Variants in LSAMP observed in about 807,000 individuals in gnomAD.
LSAMP encodes limbic system-associated membrane protein.
Under a neutral mutation model 38.6 loss-of-function variants are expected in LSAMP, and 7 were observed. The ratio of observed to expected loss-of-function variants is 0.18; its 90% CI spans 0.10 to 0.34. The LOEUF is 0.34. LSAMP is among the 10% of genes least tolerant of loss of function. The pLI, the probability that LSAMP is intolerant of heterozygous loss-of-function variation, is 1.00. For synonymous variants in LSAMP, 154 were observed against 166.8 expected (o/e 0.92, Z 0.59); for missense variants, 313 against 420.0 (o/e 0.75, Z 2.23).
intron 1 of LSAMP, among the ~76,000 whole-genome samples, chr3:116,377,364 T>A (rs780238345): frequency 4.6e-5 from 7 of 151,958 alleles, no homozygotes; most frequent in Non-Finnish European, 8.8e-5. Context: ...TTTGCTGAGG[T>A]TAATTGGCTT....
At chr3:116,263,654 C>T (rs1053274701) in intron 1 of LSAMP, among the ~76,000 whole-genome samples, 1 of 135,080 alleles carries the variant, frequency 7.4e-6, no homozygotes, top group Non-Finnish European at 1.6e-5. Context: ...CAAAATTAAA[C>T]CAACTTTTAT....
Position 115,976,637 on chromosome 3 carries a change from T to C in LSAMP, c.514+42878A>G, listed in dbSNP as rs139074662. The stretch of plus-strand genomic sequence containing the variant: ...GCTCTGCATCCTCACCCAAATCTCA[T>C]GTTGAATTGTAATCCCCAATGTTGG... On this transcript the variant is annotated intron_variant, in intron 3 of 6. Coordinates refer to ENST00000490035, the MANE Select transcript of LSAMP (RefSeq NM_002338.5). Among the ~76,000 whole-genome samples, 648 of 152,276 alleles carry C rather than the reference T, an allele frequency of 4.3e-3. 2 individuals carry two copies. Among genetic ancestry groups the C allele is most frequent in the African/African-American group, 0.015 (623 of 41,572 alleles).
rs550107092 is a variant in LSAMP at position 116,202,143 on chromosome 3, C to CTT, written c.156-115589_156-115588dup. ...TTTTTCTTTTCCTTTCCTTTCTTTT[C>CTT]TTTTTTTTTTTAGGCAGAGTCTCGC... On this transcript the variant is annotated intron_variant, in intron 1 of 6. Transcript: ENST00000490035. 8.0e-3 allele frequency among the ~76,000 whole-genome samples: 1,160 copies of CTT among 145,870 alleles called. 19 individuals carry two copies. The highest frequency in any genetic ancestry group is 0.025 in the African/African-American group (1,009 of 39,736).
At chr3:115,925,757 C>T (rs1559883534) in intron 3 of LSAMP, among the ~76,000 whole-genome samples, 1 of 151,914 alleles carries the variant, frequency 6.6e-6, no homozygotes, top group Non-Finnish European at 1.5e-5. Flanking sequence ...ATTGAGTGTT[C>T]CAGTTAATTG....
intron 2 of LSAMP, among the ~76,000 whole-genome samples, chr3:116,064,165 G>T (rs1270115037): frequency 6.6e-6 from 1 of 152,148 alleles, no homozygotes; most frequent in Non-Finnish European, 1.5e-5. Context: ...AGTTTCCTAT[G>T]CAAGATAAAT....
chr3:116,269,510 T>G (rs1046162967), intron 1 of LSAMP, among the ~76,000 whole-genome samples: 1 of 152,110 alleles, frequency 6.6e-6, no homozygotes. Flanking sequence ...TGAATGATGC[T>G]AAACCTAATG....
chr3:116,110,137 C>T (rs1477643217), intron 1 of LSAMP, among the ~76,000 whole-genome samples: 2 of 151,724 alleles, frequency 1.3e-5, no homozygotes, highest in Non-Finnish European at 2.9e-5. Context: ...GGGGTACTTG[C>T]TCCTCCCCCA....
chr3:116,152,903 C>G (rs1159912195), intron 1 of LSAMP, among the ~76,000 whole-genome samples: 1 of 152,036 alleles, frequency 6.6e-6, no homozygotes, highest in Admixed American at 6.6e-5. Context: ...TACTTACACA[C>G]TGTGAAGAGC....
At chr3:116,299,045 G>C (rs2047372194) in intron 1 of LSAMP, among the ~76,000 whole-genome samples, 1 of 152,186 alleles carries the variant, frequency 6.6e-6, no homozygotes, top group African/African-American at 2.4e-5. Context: ...GAGTAACATA[G>C]CCTTATGCAA....
At chr3:116,248,173 G>A (rs1054284389) in intron 1 of LSAMP, among the ~76,000 whole-genome samples, 4 of 152,152 alleles carry the variant, frequency 2.6e-5, no homozygotes, top group African/African-American at 9.7e-5. Context: ...AAAGATTTAT[G>A]CACAGGTAAC....
intron 3 of LSAMP, among the ~76,000 whole-genome samples, chr3:115,855,583 G>T (rs1274173677): frequency 2.0e-5 from 3 of 152,184 alleles, no homozygotes; most frequent in Non-Finnish European, 2.9e-5. Context: ...TCTCAATAAA[G>T]TGGGAGCAGG....
At chr3:115,859,104 T>C (rs1935595624) in intron 3 of LSAMP, among the ~76,000 whole-genome samples, 2 of 152,180 alleles carry the variant, frequency 1.3e-5, no homozygotes, top group African/African-American at 4.8e-5. Flanking sequence ...TCTCTCCAGA[T>C]TATTTGAGGT....
At chr3:116,240,493 T>C (rs1342228957) in intron 1 of LSAMP, among the ~76,000 whole-genome samples, 1 of 152,192 alleles carries the variant, frequency 6.6e-6, no homozygotes, top group Non-Finnish European at 1.5e-5. Context: ...AAAACGTTTG[T>C]ACTAAGTATG....
At chr3:116,412,387 T>C (rs964787777) in intron 1 of LSAMP, among the ~76,000 whole-genome samples, 1 of 152,068 alleles carries the variant, frequency 6.6e-6, no homozygotes, top group African/African-American at 2.4e-5. Context: ...GGTTCCCACA[T>C]CAAAGGCATT....
At chr3:115,969,851 AC>A (rs1457448289) in intron 3 of LSAMP, among the ~76,000 whole-genome samples, 1 of 152,160 alleles carries the variant, frequency 6.6e-6, no homozygotes, top group South Asian at 2.1e-4. Flanking sequence ...CCAAAATGTT[AC>A]TTTTTAACGT....
chr3:116,434,874 G>A (rs928801217), intron 1 of LSAMP, among the ~76,000 whole-genome samples: 4 of 152,150 alleles, frequency 2.6e-5, no homozygotes, highest in African/African-American at 9.7e-5. Context: ...TGCTGTGGAT[G>A]TTCTTTGAAG....
At chr3:116,388,851 C>T (rs572678918) in intron 1 of LSAMP, among the ~76,000 whole-genome samples, 15 of 152,162 alleles carry the variant, frequency 9.9e-5, no homozygotes, top group Admixed American at 3.9e-4. Context: ...TCAAGGCTGA[C>T]GGCAGGCATC....
intron 1 of LSAMP, among the ~76,000 whole-genome samples, chr3:116,314,329 A>T (rs2047600484): frequency 6.6e-6 from 1 of 152,240 alleles, no homozygotes; most frequent in Non-Finnish European, 1.5e-5. Context: ...ATGAAGGTGA[A>T]TCCATGTAAA....
intron 3 of LSAMP, among the ~76,000 whole-genome samples, chr3:115,932,908 T>A (rs1937604181): frequency 6.6e-6 from 1 of 152,186 alleles, no homozygotes; most frequent in Admixed American, 6.6e-5. Context: ...CAGAAACATC[T>A]CTTCCTGCTG....
Sources: gnomAD v4.1 joint callset for allele counts (sites outside exome capture counted in the v4.1 genomes callset) on GRCh38, gnomAD v4.1.1 for gene constraint, MANE v1.5 for transcripts, NCBI Gene and HGNC (gene_info 2026-07-23, HGNC 2026-07-21) for gene names.